VPS13B: variants seen among roughly 807,000 people sequenced by gnomAD.
VPS13B encodes vacuolar protein sorting 13 homolog B.
VPS13B carries 285 observed loss-of-function variants against 426.4 expected under a neutral mutation model. The observed-to-expected ratio is 0.67, with a 90% CI of 0.61 to 0.74. The LOEUF is 0.74. Among genes scored for constraint, VPS13B ranks in the 30% least tolerant of loss-of-function variants. The pLI is 0.00. For synonymous variants in VPS13B, 1,676 were observed against 1,676.4 expected (o/e 1.00, Z 0.01); for missense variants, 4,537 against 4,782.6 (o/e 0.95, Z 1.51).
intron 3 of VPS13B, among the ~76,000 whole-genome samples, chr8:99,047,710 T>C (rs1414224417): frequency 6.6e-6 from 1 of 151,970 alleles, no homozygotes; most frequent in Non-Finnish European, 1.5e-5. Flanking sequence ...ATTTTTGAGA[T>C]GAAGTCTTGC....
At chr8:99,182,717 A>G (rs191696662) in intron 16 of VPS13B, among the ~76,000 whole-genome samples, 160 of 152,242 alleles carry the variant, frequency 1.1e-3, no homozygotes, top group African/African-American at 3.7e-3. Flanking sequence ...TATGTTAAAG[A>G]GAAAGTCTAT....
intron 19 of VPS13B, among the ~76,000 whole-genome samples, chr8:99,353,260 CA>C (rs1207846436): frequency 6.6e-6 from 1 of 152,022 alleles, no homozygotes; most frequent in Non-Finnish European, 1.5e-5. Context: ...CTGGGATTAC[CA>C]GTGTGAGCCA....
chr8:99,181,297 T>TA (rs1390574581), intron 16 of VPS13B, among the ~76,000 whole-genome samples: 1 of 152,184 alleles, frequency 6.6e-6, no homozygotes, highest in Non-Finnish European at 1.5e-5. Context: ...GATACAGAGT[T>TA]AGTCTATTAA....
chr8:99,311,196 T>C (rs1820953908), intron 19 of VPS13B, among the ~76,000 whole-genome samples: 1 of 152,188 alleles, frequency 6.6e-6, no homozygotes, highest in African/African-American at 2.4e-5. Flanking sequence ...TTTAGTTATT[T>C]CTTGCCTTCT....
chr8:99,292,977 A>G (rs1052317080), intron 19 of VPS13B, among the ~76,000 whole-genome samples: 1 of 152,140 alleles, frequency 6.6e-6, no homozygotes, highest in Non-Finnish European at 1.5e-5. Flanking sequence ...AGTGAAGACT[A>G]TACTTTCAGG....
chr8:99,361,225 A>C (rs970790486), intron 19 of VPS13B, among the ~76,000 whole-genome samples: 1 of 152,242 alleles, frequency 6.6e-6, no homozygotes, highest in African/African-American at 2.4e-5. Context: ...TGGAAAATTC[A>C]TTAGACACTC....
intron 22 of VPS13B, among the ~76,000 whole-genome samples, chr8:99,431,904 A>G (rs993748166): frequency 1.3e-5 from 2 of 152,100 alleles, no homozygotes; most frequent in Non-Finnish European, 2.9e-5. Flanking sequence ...CTTGACTTAA[A>G]AAATTTTAGT....
chr8:99,764,131 C>T lies in VPS13B; in HGVS notation c.7051-2643C>T, dbSNP rs114139527. ...TTTTAAATAATGTGCCATTTCTGCC[C>T]TCAAGGATCTTAGAGTCAACTAAAG... On this transcript the variant is annotated intron_variant, in intron 39 of 61. Coordinates refer to ENST00000357162, the MANE Select transcript of VPS13B (RefSeq NM_152564.5). 7.9e-3 allele frequency among the ~76,000 whole-genome samples: 1,200 copies of T among 152,146 alleles called. 16 individuals carry two copies. The highest frequency in any genetic ancestry group is 0.026 in the African/African-American group (1,080 of 41,494).
intron 2 of VPS13B, among the ~76,000 whole-genome samples, chr8:99,034,858 C>T (rs1214076956): frequency 3.3e-5 from 5 of 151,990 alleles, no homozygotes; most frequent in East Asian, 1.9e-4. Context: ...CGCATGCGCG[C>T]GCGTGTGTGT....
chr8:99,431,447 G>A, intron 21 of VPS13B, 90 bp from the exon 22 acceptor site: 1 of 1,480,220 alleles, frequency 6.8e-7, no homozygotes, highest in South Asian at 1.2e-5. Context: ...TTTTAAGCAA[G>A]GAAAGAAACA....
intron 5 of VPS13B, among the ~76,000 whole-genome samples, chr8:99,106,073 G>GT (rs915010426): frequency 5.9e-5 from 9 of 151,362 alleles, no homozygotes; most frequent in South Asian, 2.1e-4. Context: ...CCTTTTATTA[G>GT]TTTTTTTTTA....
At position 99,529,042 on chromosome 8, in the gene VPS13B, A is replaced by G. The variant is rs1015638795; in HGVS notation, c.4745+8032A>G. Among the ~76,000 whole-genome samples the G allele has an allele frequency of 4.5e-4, 68 of 152,280 alleles. 1 individual carries two copies. The highest frequency in any genetic ancestry group is 1.5e-3 in the African/African-American group (64 of 41,582). ...AAAAATTTATAAATAAATTTTCAAA[A>G]TACCTTTTTTGAAAATACATCTACC... is the stretch of plus-strand genomic sequence containing the variant. On this transcript the variant is annotated intron_variant, in intron 30 of 61. Coordinates refer to ENST00000357162, the MANE Select transcript of VPS13B (RefSeq NM_152564.5).
intron 24 of VPS13B, among the ~76,000 whole-genome samples, chr8:99,468,495 TTATTTGTTA>T (rs1000990848): frequency 2.0e-5 from 3 of 151,904 alleles, no homozygotes; most frequent in Admixed American, 2.0e-4. Context: ...TTTAAAAACA[TTATTTGTTA>T]TATTTGTTAT....
At chr8:99,338,396 T>C (rs1811050153) in intron 19 of VPS13B, among the ~76,000 whole-genome samples, 3 of 152,076 alleles carry the variant, frequency 2.0e-5, no homozygotes, top group Non-Finnish European at 4.4e-5. Flanking sequence ...TCTTGCGTAC[T>C]ACATTCCATT....
chr8:99,313,017 A>G (rs867415610), intron 19 of VPS13B, among the ~76,000 whole-genome samples: 1 of 152,218 alleles, frequency 6.6e-6, no homozygotes. Context: ...TGTCAGCTCC[A>G]TCAGGTCATT....
chr8:99,822,434 G>C (rs1421765989), intron 50 of VPS13B, among the ~76,000 whole-genome samples: 2 of 152,176 alleles, frequency 1.3e-5, no homozygotes, highest in Non-Finnish European at 2.9e-5. Flanking sequence ...GACGGCCAAA[G>C]TACTGTAACA....
At chr8:99,519,989 C>T (rs898689739) in intron 29 of VPS13B, among the ~76,000 whole-genome samples, 1 of 151,950 alleles carries the variant, frequency 6.6e-6, no homozygotes, top group African/African-American at 2.4e-5. Context: ...CATTAATTTC[C>T]CCTTTCATGC....
chr8:99,314,575 C>T (rs553938188), intron 19 of VPS13B, among the ~76,000 whole-genome samples: 62 of 152,252 alleles, frequency 4.1e-4, no homozygotes, highest in African/African-American at 1.4e-3. Context: ...CTCAGCCTCT[C>T]AAGTAGCTGG....
intron 36 of VPS13B, among the ~76,000 whole-genome samples, chr8:99,715,403 C>T (rs1383299764): frequency 6.6e-6 from 1 of 152,134 alleles, no homozygotes; most frequent in Admixed American, 6.5e-5. Flanking sequence ...TTCACTCACT[C>T]ATATTATTCA....
Sources: allele counts gnomAD v4.1 joint callset (sites outside exome capture counted in the v4.1 genomes callset), GRCh38; gene constraint gnomAD v4.1.1; transcripts MANE v1.5; gene names NCBI Gene and HGNC (gene_info 2026-07-23, HGNC 2026-07-21).